The following DNAJC1 variants were observed in gnomAD, a reference collection of about 807,000 sequenced individuals.
DNAJC1 encodes the protein DnaJ heat shock protein family (Hsp40) member C1.
DNAJC1 carries 58 observed loss-of-function variants against 76.6 expected under a neutral mutation model. That is an observed-to-expected ratio of 0.76 (90% CI 0.61 to 0.94). The LOEUF is 0.94. DNAJC1 is among the 40% of genes least tolerant of loss of function. The probability of loss-of-function intolerance (pLI) is 0.00; values close to 1 mark genes in which losing one functional copy is unlikely to be tolerated. For synonymous variants in DNAJC1, 258 were observed against 267.9 expected (o/e 0.96, Z 0.36); for missense variants, 689 against 677.3 (o/e 1.02, Z -0.19).
chr10:21,935,378 A>G (rs1837294537), intron 1 of DNAJC1, among the ~76,000 whole-genome samples: 1 of 152,124 alleles, frequency 6.6e-6, no homozygotes. Flanking sequence ...AGCAGGCTTG[A>G]GTAGGCAGAA....
At chr10:21,793,779 C>T (rs1236419427) in intron 9 of DNAJC1, among the ~76,000 whole-genome samples, 1 of 151,938 alleles carries the variant, frequency 6.6e-6, no homozygotes, top group Non-Finnish European at 1.5e-5. Context: ...GAGGCCCTGT[C>T]TTTACAAATA....
At chr10:21,972,182 C>T (rs1837990823) in intron 1 of DNAJC1, among the ~76,000 whole-genome samples, 2 of 151,826 alleles carry the variant, frequency 1.3e-5, no homozygotes, top group Non-Finnish European at 3.0e-5. Context: ...TTATTAGATT[C>T]CATAGGCATG....
intron 8 of DNAJC1, among the ~76,000 whole-genome samples, chr10:21,840,252 G>T (rs561047291): frequency 1.2e-4 from 19 of 152,222 alleles, no homozygotes; most frequent in African/African-American, 3.9e-4. Flanking sequence ...CTCTGGCCAG[G>T]GCAATCAGGC....
intron 9 of DNAJC1, 88 bp downstream of exon 9, chr10:21,805,892 T>A: frequency 6.5e-7 from 1 of 1,541,798 alleles, no homozygotes; most frequent in East Asian, 2.3e-5. Flanking sequence ...TCCCCAAAGA[T>A]ACTGTGGAAC....
At chr10:21,896,906 T>C (rs1836553019) in intron 7 of DNAJC1, among the ~76,000 whole-genome samples, 1 of 152,148 alleles carries the variant, frequency 6.6e-6, no homozygotes, top group South Asian at 2.1e-4. Context: ...AAAAGAGACT[T>C]CACACAGCAT....
rs187939606 is a variant in DNAJC1 at position 21,929,394 on chromosome 10, C to T, written c.223-253G>A. Among the ~76,000 whole-genome samples, 678 of 152,224 alleles carry T rather than the reference C, an allele frequency of 4.5e-3. 4 individuals are homozygous for T. Among genetic ancestry groups the T allele is most frequent in the Non-Finnish European group, 5.9e-3 (403 of 68,006 alleles). On this transcript the variant is annotated intron_variant, in intron 1 of 11. Coordinates refer to ENST00000376980, the MANE Select transcript of DNAJC1 (RefSeq NM_022365.4). ...GTCATTTAAAGAAGACAGTATTTGG[C>T]GAAACTTTTCAAACACTTGCCTTCC...
intron 5 of DNAJC1, among the ~76,000 whole-genome samples, chr10:21,919,590 T>C (rs961153544): frequency 6.6e-6 from 1 of 151,894 alleles, no homozygotes; most frequent in African/African-American, 2.4e-5. Flanking sequence ...AATTTCAAAC[T>C]AGAAGAATTT....
At chr10:21,952,995 A>G (rs1837623043) in intron 1 of DNAJC1, among the ~76,000 whole-genome samples, 1 of 152,198 alleles carries the variant, frequency 6.6e-6, no homozygotes, top group Non-Finnish European at 1.5e-5. Context: ...TCAACAGTGC[A>G]CTAAGAACAT....
intron 10 of DNAJC1, among the ~76,000 whole-genome samples, chr10:21,764,953 T>C (rs562607403): frequency 5.9e-5 from 9 of 152,298 alleles, no homozygotes; most frequent in African/African-American, 1.7e-4. Context: ...TGCACTTAAA[T>C]ATTCAACTCC....
intron 9 of DNAJC1, among the ~76,000 whole-genome samples, chr10:21,797,160 C>T (rs1161895671): frequency 1.3e-4 from 19 of 151,982 alleles, no homozygotes; most frequent in Admixed American, 1.2e-3. Context: ...CATTCTTTTG[C>T]ATGTGGACAT....
chr10:21,784,445 T>C (rs1313407648), intron 9 of DNAJC1, among the ~76,000 whole-genome samples: 1 of 152,212 alleles, frequency 6.6e-6, no homozygotes, highest in Non-Finnish European at 1.5e-5. Flanking sequence ...ACTTTTACAC[T>C]GTTGGTGGAC....
intron 9 of DNAJC1, among the ~76,000 whole-genome samples, chr10:21,782,942 T>C (rs1163467822): frequency 6.6e-6 from 1 of 152,160 alleles, no homozygotes; most frequent in Admixed American, 6.5e-5. Flanking sequence ...ACAGCCAATA[T>C]CACATTGAAT....
At chr10:21,832,692 C>T (rs1433576303) in intron 8 of DNAJC1, among the ~76,000 whole-genome samples, 1 of 152,178 alleles carries the variant, frequency 6.6e-6, no homozygotes, top group African/African-American at 2.4e-5. Context: ...AATTTATTAT[C>T]TCTTACTAAG....
At chr10:21,909,704 CAT>C (rs956945093) in intron 6 of DNAJC1, among the ~76,000 whole-genome samples, 2 of 152,206 alleles carry the variant, frequency 1.3e-5, no homozygotes, top group Non-Finnish European at 2.9e-5. Context: ...ATGGAAATAT[CAT>C]GTGTCATTTC....
chr10:21,833,844 T>C (rs985122451), intron 8 of DNAJC1, among the ~76,000 whole-genome samples: 4 of 152,000 alleles, frequency 2.6e-5, no homozygotes, highest in African/African-American at 7.2e-5. Context: ...ACCAACAAAA[T>C]ACTATATAAT....
At chr10:21,847,502 G>C (rs1215114883) in intron 8 of DNAJC1, among the ~76,000 whole-genome samples, 1 of 151,916 alleles carries the variant, frequency 6.6e-6, no homozygotes, top group Non-Finnish European at 1.5e-5. Flanking sequence ...TGTTAACTAT[G>C]GTCACTCTAC....
chr10:21,889,391 G>A (rs1259012155), intron 7 of DNAJC1, among the ~76,000 whole-genome samples: 1 of 152,064 alleles, frequency 6.6e-6, no homozygotes, highest in Non-Finnish European at 1.5e-5. Flanking sequence ...TGAGATTTGG[G>A]TGGGAGCACA....
intron 7 of DNAJC1, among the ~76,000 whole-genome samples, chr10:21,893,863 G>C (rs981080887): frequency 7.2e-5 from 11 of 151,798 alleles, no homozygotes; most frequent in African/African-American, 2.4e-4. Context: ...AAAAACCATA[G>C]AGAAAATCAA....
At chr10:21,969,599 C>T (rs948179519) in intron 1 of DNAJC1, among the ~76,000 whole-genome samples, 3 of 152,078 alleles carry the variant, frequency 2.0e-5, no homozygotes, top group Non-Finnish European at 4.4e-5. Context: ...TATGTACAAG[C>T]GTTATAAATA....
Sources: gnomAD v4.1 joint callset for allele counts (sites outside exome capture counted in the v4.1 genomes callset) on GRCh38, gnomAD v4.1.1 for gene constraint, MANE v1.5 for transcripts, NCBI Gene and HGNC (gene_info 2026-07-23, HGNC 2026-07-21) for gene names.